Variants in CRISPLD1 observed in about 807,000 individuals in gnomAD.
The protein encoded by CRISPLD1 is cysteine-rich secretory protein LCCL domain-containing 1.
Under a neutral mutation model 77.5 loss-of-function variants are expected in CRISPLD1, and 60 were observed. The observed-to-expected ratio is 0.77, with a 90% CI of 0.63 to 0.96. The LOEUF (loss-of-function observed/expected upper bound fraction) is 0.96, where lower values mean the gene tolerates loss of function less well. CRISPLD1 is among the 40% of genes least tolerant of loss of function. CRISPLD1 has a pLI of 0.00. For synonymous variants in CRISPLD1, 195 were observed against 200.1 expected, an observed-to-expected ratio of 0.97 and a Z score of 0.22; for missense variants, 623 against 615.8, an observed-to-expected ratio of 1.01 and a Z score of -0.12.
chr8:75,026,322 T>A (rs1173860116), intron 13 of CRISPLD1: 1 of 152,604 alleles, frequency 6.6e-6, no homozygotes, highest in African/African-American at 2.4e-5. Flanking sequence ...TCCTCCTGCC[T>A]TGGCCTTCCA....
At chr8:75,026,701 A>G (rs1003029786) in intron 13 of CRISPLD1, 5 of 152,220 alleles carry the variant, frequency 3.3e-5, no homozygotes, top group African/African-American at 9.6e-5. Context: ...CATATTCAAT[A>G]GAATATTAAG....
At chr8:74,987,910 A>G (rs1812519603) in intron 2 of CRISPLD1, among the ~76,000 whole-genome samples, 1 of 152,142 alleles carries the variant, frequency 6.6e-6, no homozygotes, top group African/African-American at 2.4e-5. Context: ...CTGGCTTCCA[A>G]AAAAAATAAT....
At chr8:75,012,574 CT>C in intron 3 of CRISPLD1, 23 bp downstream of exon 3, 1 of 1,464,268 alleles carries the variant, frequency 6.8e-7, no homozygotes, top group Non-Finnish European at 9.6e-7. Context: ...ACAACTTTTT[CT>C]TTATGAAAAA....
chr8:74,988,597 G>A (rs1812529036), intron 2 of CRISPLD1, among the ~76,000 whole-genome samples: 1 of 152,126 alleles, frequency 6.6e-6, no homozygotes. Context: ...ACACTTGGAG[G>A]CAGAGGTGGG....
In CRISPLD1 at chr8:75,019,992, G is replaced by A; in HGVS notation, c.1172-15G>A. 2 of 1,613,838 alleles carry A rather than the reference G, an allele frequency of 1.2e-6. No individual in the cohort carries two copies. Among genetic ancestry groups the A allele is most frequent in the Non-Finnish European group, 1.7e-6 (2 of 1,179,738 alleles). ...TCAAAGGATTCACTCATTGTTTTGT[G>A]TTTTAATTCTTCAGTTCAGGCTGTG... On this transcript the variant is annotated splice_polypyrimidine_tract_variant and intron_variant, in intron 11 of 14. Transcript: ENST00000262207.
rs141345683 is a variant in CRISPLD1, at chr8:75,007,951, G to A, written c.259-4482G>A. The stretch of plus-strand genomic sequence containing the variant: ...ACCCTCGCCTCCCGCAAAGTGCTGG[G>A]AATATGGGCATGAGCCACTATACTT... On this transcript the variant is annotated intron_variant, in intron 2 of 14. Coordinates refer to ENST00000262207, the MANE Select transcript of CRISPLD1 (RefSeq NM_031461.6). Among the ~76,000 whole-genome samples, 70 of 152,130 alleles carry A rather than the reference G, an allele frequency of 4.6e-4. No homozygotes were observed. In the East Asian group the frequency reaches 5.4e-3, roughly 12 times the overall value.
chr8:74,996,722 T>TC lies in CRISPLD1; in HGVS notation c.258+10477_258+10478insC, dbSNP rs35691206. On this transcript the variant is annotated intron_variant, in intron 2 of 14. Coordinates refer to ENST00000262207, the MANE Select transcript of CRISPLD1 (RefSeq NM_031461.6). Reference sequence around the variant, plus strand: ...ATGAGCCAGAATCTTTTTTTTTTTTTTTTTTTTTTTTTTTGAGATAGGATC... The same window carrying TC: ...ATGAGCCAGAATCTTTTTTTTTTTTTCTTTTTTTTTTTTTTGAGATAGGATC... Among the ~76,000 whole-genome samples the TC allele has an allele frequency of 9.6e-3, 1,351 of 140,480 alleles. 22 individuals carry two copies. Among genetic ancestry groups the TC allele is most frequent in the African/African-American group, 0.034 (1,254 of 36,864 alleles). The allele number at this position is 140,480 out of a possible 152,430, so 92.2% of individuals were successfully genotyped here. A position where few individuals can be genotyped will look rare whatever the true frequency, so the allele number is the denominator to read the frequency against.
intron 2 of CRISPLD1, chr8:75,000,055 A>C (rs2128782360): frequency 6.8e-6 from 5 of 735,118 alleles, no homozygotes; most frequent in South Asian, 6.2e-5. Flanking sequence ...ATACAAGGAT[A>C]ATGAGCTATT....
chr8:74,985,215 C>T (rs1204681183), intron 1 of CRISPLD1, among the ~76,000 whole-genome samples: 1 of 152,056 alleles, frequency 6.6e-6, no homozygotes, highest in Non-Finnish European at 1.5e-5. Flanking sequence ...TCTCAAGTTG[C>T]CGGGGAGCTG....
chr8:75,031,871 CT>C (rs1813354420), intron 14 of CRISPLD1, among the ~76,000 whole-genome samples: 1 of 151,852 alleles, frequency 6.6e-6, no homozygotes, highest in African/African-American at 2.4e-5. Context: ...CTGCTGAACT[CT>C]GCTGTATTAG....
intron 12 of CRISPLD1, among the ~76,000 whole-genome samples, chr8:75,021,704 TA>T (rs1423697942): frequency 6.6e-6 from 1 of 152,182 alleles, no homozygotes; most frequent in Non-Finnish European, 1.5e-5. Context: ...TTTGGAGAAA[TA>T]TTTTTTTCAG....
At chr8:75,018,408 C>T (rs939504042) in intron 10 of CRISPLD1, among the ~76,000 whole-genome samples, 1 of 152,152 alleles carries the variant, frequency 6.6e-6, no homozygotes, top group Admixed American at 6.5e-5. Flanking sequence ...TCTCCTGCTT[C>T]AGTCTCCCAA....
At chr8:75,021,685 T>C (rs1813138765) in intron 12 of CRISPLD1, among the ~76,000 whole-genome samples, 1 of 152,188 alleles carries the variant, frequency 6.6e-6, no homozygotes, top group Non-Finnish European at 1.5e-5. Context: ...CTCTGTAGTC[T>C]TAGTCAATTT....
chr8:75,034,073 CTGTGTCTT>C lies in CRISPLD1; in HGVS notation c.*1833_*1840del, dbSNP rs929310317. On this transcript the variant is annotated 3_prime_UTR_variant, in exon 15 of 15. Transcript: ENST00000262207. ...CTATTGTAATACCTTCAGCTGGAGCCTGTGTCTTTCTCCATTCCTTTTTAATACATTCG... is the reference window on the plus strand; with the variant it reads ...CTATTGTAATACCTTCAGCTGGAGCCTCTCCATTCCTTTTTAATACATTCG... The C allele has an allele frequency of 6.6e-6, 1 of 152,004 alleles. No homozygotes were observed. Among genetic ancestry groups the C allele is most frequent in the Non-Finnish European group, 1.5e-5 (1 of 67,928 alleles). 9.4% of individuals were successfully genotyped at this position (152,004 alleles called of 1,614,324 possible). A position where few individuals can be genotyped will look rare whatever the true frequency, so the allele number is the denominator to read the frequency against.
rs112725287 is a variant in CRISPLD1, at chr8:74,997,342, A to C, written c.258+11097A>C. ...CTGAAAATAATGTGAAGGGTGAAGG[A>C]TAAGGAGGAATCTGGGATGTTCTTA... On this transcript the variant is annotated intron_variant, in intron 2 of 14. Transcript: ENST00000262207. Among the ~76,000 whole-genome samples the C allele has an allele frequency of 1.7e-3, 265 of 152,244 alleles. 2 individuals carry two copies. Among genetic ancestry groups the C allele is most frequent in the African/African-American group, 5.9e-3 (245 of 41,534 alleles).
At position 75,019,357 on chromosome 8, in the gene CRISPLD1, C is replaced by G. The variant is rs373519809; in HGVS notation, c.1128-513C>G. Among the ~76,000 whole-genome samples the G allele has an allele frequency of 2.6e-5, 4 of 152,060 alleles. No homozygotes were observed. The East Asian group carries it at 7.7e-4, about 29-fold the overall frequency. ...TAATTATGTGCCTAATCTTATATTT[C>G]AGCTTTTTAATAATGCATGTGATGA... On this transcript the variant is annotated intron_variant, in intron 10 of 14. Transcript: ENST00000262207.
chr8:75,004,143 C>T (rs764600281), intron 2 of CRISPLD1, among the ~76,000 whole-genome samples: 9 of 152,006 alleles, frequency 5.9e-5, no homozygotes, highest in Non-Finnish European at 1.2e-4. Context: ...TGCAGGAGAC[C>T]CTAATTTGTG....
chr8:74,993,701 A>G (rs951821579), intron 2 of CRISPLD1, among the ~76,000 whole-genome samples: 5 of 152,232 alleles, frequency 3.3e-5, no homozygotes, highest in African/African-American at 1.2e-4. Flanking sequence ...TAGAAAGACA[A>G]GAGAAGAAAA....
At position 75,032,323 on chromosome 8, in the gene CRISPLD1, G is replaced by T; in HGVS notation, c.*81G>T. On this transcript the variant is annotated 3_prime_UTR_variant, in exon 15 of 15. Coordinates refer to ENST00000262207, the MANE Select transcript of CRISPLD1 (RefSeq NM_031461.6). ...TTTTGTATAAAACTGTAACATTACTGTACAGAGTACATCAACTATTTTCAG... is the reference window on the plus strand; with the variant it reads ...TTTTGTATAAAACTGTAACATTACTTTACAGAGTACATCAACTATTTTCAG... 1 of 1,017,758 alleles carries T rather than the reference G, an allele frequency of 9.8e-7. No individual in the cohort carries two copies. Among genetic ancestry groups the T allele is most frequent in the Admixed American group, 2.2e-5 (1 of 45,486 alleles). 63.0% of individuals were successfully genotyped at this position (1,017,758 alleles called of 1,614,324 possible).
Sources: allele counts gnomAD v4.1 joint callset (sites outside exome capture counted in the v4.1 genomes callset), GRCh38; gene constraint gnomAD v4.1.1; transcripts MANE v1.5; gene names NCBI Gene and HGNC (gene_info 2026-07-23, HGNC 2026-07-21).